Variants in SYNE3 observed in about 807,000 individuals in gnomAD.
SYNE3 encodes spectrin repeat containing nuclear envelope family member 3, also known as nesprin-3.
A neutral mutation model predicts 111.2 loss-of-function variants in SYNE3; 100 were observed. The observed-to-expected ratio is 0.90, with a 90% CI of 0.77 to 1.06. The LOEUF (loss-of-function observed/expected upper bound fraction) is 1.06. SYNE3 is among the 50% of genes least tolerant of loss of function. The pLI, the probability that SYNE3 is intolerant of heterozygous loss-of-function variation, is 0.00. For missense variants in SYNE3, 1,160 were observed against 1,240.3 expected (o/e 0.94, Z 0.97); for synonymous variants, 547 against 533.9 (o/e 1.02, Z -0.34).
At chr14:95,501,502 T>A (rs903824049) in intron 1 of SYNE3, among the ~76,000 whole-genome samples, 1 of 152,152 alleles carries the variant, frequency 6.6e-6, no homozygotes, top group Non-Finnish European at 1.5e-5. Flanking sequence ...GAGGAAACAC[T>A]AAGCTGGAGA....
intron 8 of SYNE3, chr14:95,449,584 C>A (rs747948473): frequency 1.0e-6 from 1 of 985,332 alleles, no homozygotes; most frequent in Non-Finnish European, 1.2e-6. Flanking sequence ...TTTAAGATAC[C>A]GCAGGTCAGG....
At chr14:95,473,404 AG>A (rs1441980145) in intron 2 of SYNE3, among the ~76,000 whole-genome samples, 2 of 152,238 alleles carry the variant, frequency 1.3e-5, no homozygotes, top group East Asian at 3.9e-4. Context: ...GTGGGCACAC[AG>A]GCAGGGCTGT....
intron 16 of SYNE3, among the ~76,000 whole-genome samples, chr14:95,432,936 G>C (rs1004138712): frequency 6.6e-5 from 10 of 152,134 alleles, no homozygotes; most frequent in African/African-American, 2.4e-4. Flanking sequence ...CTTGAGCAGA[G>C]GGGAACCGTA....
At chr14:95,460,890 C>T (rs1285232260) in intron 4 of SYNE3, among the ~76,000 whole-genome samples, 5 of 152,274 alleles carry the variant, frequency 3.3e-5, no homozygotes, top group East Asian at 1.9e-4. Flanking sequence ...ATGGAAGTGC[C>T]GGCCGTGGCT....
chr14:95,408,704 C>A lies in SYNE3; in HGVS notation c.*9122G>T. On this transcript the variant is annotated 3_prime_UTR_variant, in exon 18 of 18. Transcript: ENST00000682763. The stretch of plus-strand genomic sequence containing the variant: ...CTCACATACGCGTGCATCCCTCCCA[C>A]CCTGCCCACCCCTTCACATGCACAC... 1.1e-5 allele frequency: 2 copies of A among 185,174 alleles called. No homozygotes were observed. The highest frequency in any genetic ancestry group is 2.3e-5 in the Non-Finnish European group (2 of 88,752). The allele number at this position is 185,174 out of a possible 1,614,324, so 11.5% of individuals were successfully genotyped here. A position where few individuals can be genotyped will look rare whatever the true frequency, so the allele number is the denominator to read the frequency against.
At chr14:95,462,204 G>A (rs3742342) in intron 4 of SYNE3, among the ~76,000 whole-genome samples, 84 of 152,152 alleles carry the variant, frequency 5.5e-4, no homozygotes, top group East Asian at 5.2e-3. Context: ...GCAGGGGTCC[G>A]CGTGGCCCCT....
chr14:95,462,854 T>C (rs1887923054), intron 4 of SYNE3, among the ~76,000 whole-genome samples: 1 of 152,216 alleles, frequency 6.6e-6, no homozygotes, highest in Admixed American at 6.5e-5. Flanking sequence ...AGAATGTTTT[T>C]TAATCTAAAA....
chr14:95,409,134 C>T lies in SYNE3; in HGVS notation c.*8692G>A, dbSNP rs1220402204. ...AAAGGAAAGGAAAGCAACTGAGGCC[C>T]AGGGAACATTCCATAGAGTGGAGCA... On this transcript the variant is annotated 3_prime_UTR_variant, in exon 18 of 18. Transcript: ENST00000682763. 2.0e-5 allele frequency: 9 copies of T among 456,528 alleles called. No individual in the cohort carries two copies. Among genetic ancestry groups the T allele is most frequent in the Non-Finnish European group, 3.5e-5 (8 of 226,910 alleles). 28.3% of individuals were successfully genotyped at this position (456,528 alleles called of 1,614,324 possible).
intron 1 of SYNE3, among the ~76,000 whole-genome samples, chr14:95,479,324 C>T (rs1187745): frequency 0.23 from 34,849 of 151,238 alleles, 4,122 homozygotes; most frequent in Admixed American, 0.28. Context: ...ACCACTGCAC[C>T]CTAGCCTGGG....
At chr14:95,421,742 C>T (rs931997906) in intron 17 of SYNE3, among the ~76,000 whole-genome samples, 1 of 152,242 alleles carries the variant, frequency 6.6e-6, no homozygotes, top group Non-Finnish European at 1.5e-5. Flanking sequence ...ACCATCATCA[C>T]CTCCAGTCCC....
intron 2 of SYNE3, among the ~76,000 whole-genome samples, chr14:95,468,436 A>G (rs1413189348): frequency 1.3e-5 from 2 of 152,180 alleles, no homozygotes; most frequent in Admixed American, 1.3e-4. Context: ...GGCCCAGCTG[A>G]GCCTCCAGAA....
intron 1 of SYNE3, among the ~76,000 whole-genome samples, chr14:95,499,903 A>G (rs1890268282): frequency 9.3e-6 from 1 of 107,442 alleles, no homozygotes; most frequent in African/African-American, 3.8e-5. Context: ...CTTGTTGCCC[A>G]GGCTGGAGTG....
rs546930049 is a variant in SYNE3, at chr14:95,410,848, C to G, written c.*6978G>C. ...ACCTAATATTTCAGGGAGCACTGAA[C>G]GCTCCAGGGCTGACTTCCCTCCTTA... On this transcript the variant is annotated 3_prime_UTR_variant, in exon 18 of 18. Coordinates refer to ENST00000682763, the MANE Select transcript of SYNE3 (RefSeq NM_152592.6). The G allele has an allele frequency of 2.0e-5, 3 of 152,308 alleles. No homozygotes were observed. Among genetic ancestry groups the G allele is most frequent in the Non-Finnish European group, 4.4e-5 (3 of 68,044 alleles). The allele number at this position is 152,308 out of a possible 1,614,324, so 9.4% of individuals were successfully genotyped here. A position where few individuals can be genotyped will look rare whatever the true frequency, so the allele number is the denominator to read the frequency against.
chr14:95,457,458 C>G (rs1412049232), intron 4 of SYNE3, 120 bp from the exon 5 acceptor site: 1 of 1,124,830 alleles, frequency 8.9e-7, no homozygotes, highest in African/African-American at 1.6e-5. Context: ...GCAGGGGGTG[C>G]AACCAACCTC....
chr14:95,512,429 C>T (rs1890753773), intron 1 of SYNE3, among the ~76,000 whole-genome samples: 1 of 152,162 alleles, frequency 6.6e-6, no homozygotes, highest in South Asian at 2.1e-4. Flanking sequence ...TGGCACATGC[C>T]TGTAATCCCA....
At chr14:95,431,947 C>A in intron 17 of SYNE3, 132 bp downstream of exon 17, 1 of 1,028,660 alleles carries the variant, frequency 9.7e-7, no homozygotes. Context: ...CAGAGTTGAT[C>A]CCCCATAAAT....
rs117033423 is a variant in SYNE3, at chr14:95,471,306, C to T, written c.145-3339G>A. On this transcript the variant is annotated intron_variant, in intron 2 of 17. Transcript: ENST00000682763. ...CTGGAATGTCCCATGCGGACAATGG[C>T]CCCTTCTCCAAAGCCTGGTGTCCTG... 3.0e-3 allele frequency among the ~76,000 whole-genome samples: 460 copies of T among 152,356 alleles called. 2 individuals carry two copies. The highest frequency in any genetic ancestry group is 5.0e-3 in the Non-Finnish European group (342 of 68,028).
At position 95,450,550 on chromosome 14, in the gene SYNE3, G is replaced by A. The variant is rs542003894; in HGVS notation, c.1275-445C>T. The stretch of plus-strand genomic sequence containing the variant: ...AAATTAGCCAGGCATCATAGTGCAT[G>A]CCTGTAGTCCTAGCTACTCGGGAGG... On this transcript the variant is annotated intron_variant, in intron 7 of 17. Transcript: ENST00000682763. The A allele has an allele frequency of 5.6e-5, 9 of 162,028 alleles. No homozygotes were observed. The South Asian group carries it at 1.5e-3, about 27-fold the overall frequency. The allele number at this position is 162,028 out of a possible 1,614,324, so 10.0% of individuals were successfully genotyped here.
At chr14:95,488,627 A>C (rs1889672199) in intron 1 of SYNE3, among the ~76,000 whole-genome samples, 1 of 136,612 alleles carries the variant, frequency 7.3e-6, no homozygotes, top group South Asian at 2.6e-4. Flanking sequence ...CAGGAGTTTG[A>C]GATGAGCCTG....
Sources: allele counts gnomAD v4.1 joint callset (sites outside exome capture counted in the v4.1 genomes callset), GRCh38; gene constraint gnomAD v4.1.1; transcripts MANE v1.5; gene names NCBI Gene and HGNC (gene_info 2026-07-23, HGNC 2026-07-21).